Variants in ESR1 observed in about 807,000 individuals in gnomAD.
ESR1 encodes estrogen receptor 1, also known as estrogen receptor.
A neutral mutation model predicts 52.7 loss-of-function variants in ESR1; 12 were observed. The ratio of observed to expected loss-of-function variants is 0.23; its 90% confidence interval spans 0.15 to 0.37. The LOEUF is 0.37. ESR1 is among the 10% of genes least tolerant of loss of function. The pLI, the probability that ESR1 is intolerant of heterozygous loss-of-function variation, is 1.00. For missense variants in ESR1, 584 were observed against 779.7 expected (o/e 0.75, Z 2.99); for synonymous variants, 305 against 316.8 (o/e 0.96, Z 0.39).
intron 5 of ESR1, among the ~76,000 whole-genome samples, chr6:152,034,957 C>A (rs779514103): frequency 6.6e-6 from 1 of 152,250 alleles, no homozygotes; most frequent in South Asian, 2.1e-4. Flanking sequence ...TAACTACGCA[C>A]GTGACAAAAA....
chr6:151,961,976 G>A (rs2037727583), intron 4 of ESR1, among the ~76,000 whole-genome samples: 1 of 152,124 alleles, frequency 6.6e-6, no homozygotes. Context: ...TCAAGAAAGG[G>A]ACCAGGAAGT....
chr6:152,030,888 G>A (rs890755616), intron 5 of ESR1, among the ~76,000 whole-genome samples: 1 of 152,192 alleles, frequency 6.6e-6, no homozygotes, highest in Non-Finnish European at 1.5e-5. Flanking sequence ...ATAGTTGGAA[G>A]TAAAACACTC....
rs2152497276 is a variant in ESR1 at position 152,094,640 on chromosome 6, C to G, written c.1553+72C>G. On this transcript the variant is annotated intron_variant, in intron 7 of 7. Transcript: ENST00000206249. This position sits in a 1 kb window ranked among gnomAD's most constrained non-coding sequence, Gnocchi z 4.6. ...GCCCCCAAACCTATGTGACAGCTGG[C>G]CGGGAAGGACTGGTGCCTGCATATG... The G allele has an allele frequency of 7.0e-7, 1 of 1,418,926 alleles. No individual in the cohort carries two copies. The highest frequency in any genetic ancestry group is 9.8e-7 in the Non-Finnish European group (1 of 1,023,800). 87.9% of individuals were successfully genotyped at this position (1,418,926 alleles called of 1,614,324 possible). A position where few individuals can be genotyped will look rare whatever the true frequency, so the allele number is the denominator to read the frequency against.
At chr6:152,043,910 A>G (rs941121340) in intron 5 of ESR1, among the ~76,000 whole-genome samples, 1 of 152,194 alleles carries the variant, frequency 6.6e-6, no homozygotes, top group Non-Finnish European at 1.5e-5. Context: ...TCACATGATA[A>G]GAGCTTGTGT....
At chr6:151,965,620 A>C (rs999674856) in intron 4 of ESR1, among the ~76,000 whole-genome samples, 6 of 152,022 alleles carry the variant, frequency 3.9e-5, no homozygotes, top group African/African-American at 1.4e-4. Flanking sequence ...CAGTTCACCC[A>C]CTGTTAAATA....
At chr6:151,660,528 C>T (rs1326951215) in intron 1 of ESR1, among the ~76,000 whole-genome samples, 1 of 152,130 alleles carries the variant, frequency 6.6e-6, no homozygotes, top group Non-Finnish European at 1.5e-5. Flanking sequence ...AAATTTTAAG[C>T]ACAAAATACC....
chr6:151,924,607 G>T (rs1459245002), intron 3 of ESR1, among the ~76,000 whole-genome samples: 1 of 151,672 alleles, frequency 6.6e-6, no homozygotes, highest in African/African-American at 2.4e-5. Flanking sequence ...CCTCACGTAG[G>T]CCCCAGTGTC....
chr6:151,710,746 C>T (rs1157115958), intron 2 of ESR1, among the ~76,000 whole-genome samples: 1 of 152,088 alleles, frequency 6.6e-6, no homozygotes. Context: ...TGACAGGCCC[C>T]AGTGTGTGAT....
At chr6:151,796,302 C>T (rs925577423) in intron 2 of ESR1, among the ~76,000 whole-genome samples, 1 of 151,882 alleles carries the variant, frequency 6.6e-6, no homozygotes. Context: ...ATGTTACTAT[C>T]TGGGTCTTTT....
At chr6:151,881,740 G>T (rs1792949723) in intron 3 of ESR1, among the ~76,000 whole-genome samples, 1 of 152,002 alleles carries the variant, frequency 6.6e-6, no homozygotes. Context: ...AAAATTAGCT[G>T]GGTATGGTGG....
intron 5 of ESR1, among the ~76,000 whole-genome samples, chr6:152,038,733 G>A (rs1353774681): frequency 1.3e-5 from 2 of 152,126 alleles, no homozygotes; most frequent in African/African-American, 2.4e-5. Context: ...CTGGGTTCAA[G>A]CAATTCTCTG....
At chr6:152,086,719 A>G (rs1585186218) in intron 6 of ESR1, among the ~76,000 whole-genome samples, 1 of 151,944 alleles carries the variant, frequency 6.6e-6, no homozygotes, top group Non-Finnish European at 1.5e-5. Flanking sequence ...GAATATAGCA[A>G]TACCAAATGA....
intron 6 of ESR1, among the ~76,000 whole-genome samples, chr6:152,073,785 C>A (rs1425807239): frequency 6.6e-6 from 1 of 152,132 alleles, no homozygotes; most frequent in Non-Finnish European, 1.5e-5. Flanking sequence ...CGACCTCAGG[C>A]AAGTCCAGGC....
chr6:151,863,363 C>T (rs187894633), intron 2 of ESR1, among the ~76,000 whole-genome samples: 2 of 152,216 alleles, frequency 1.3e-5, no homozygotes, highest in African/African-American at 4.8e-5. Context: ...CCTTCACATC[C>T]CTTGTAAGGT....
chr6:152,122,595 G>A (rs2051662251), intron 6 of ESR1: 1 of 1,614,216 alleles, frequency 6.2e-7, no homozygotes, highest in Non-Finnish European at 8.5e-7. Flanking sequence ...GAGCTGCTCG[G>A]AGGACTCTGA....
intron 2 of ESR1, among the ~76,000 whole-genome samples, chr6:151,849,978 TTATATATATATATA>T (rs66502837): frequency 1.5e-4 from 13 of 84,124 alleles, no homozygotes; most frequent in African/African-American, 4.4e-4. Context: ...TCCTAGGGAA[TTATATATATATATA>T]TATATATATA....
chr6:151,963,084 C>T (rs1053081881), intron 4 of ESR1, among the ~76,000 whole-genome samples: 22 of 151,886 alleles, frequency 1.4e-4, no homozygotes, highest in African/African-American at 4.8e-4. Context: ...CCATTCATGC[C>T]TTCCTTCCCC....
At chr6:152,016,711 A>C (rs1206366790) in intron 5 of ESR1, among the ~76,000 whole-genome samples, 2 of 152,216 alleles carry the variant, frequency 1.3e-5, no homozygotes, top group African/African-American at 4.8e-5. Flanking sequence ...ATCACATTGT[A>C]CATAGTAAAC....
intron 1 of ESR1, among the ~76,000 whole-genome samples, chr6:151,678,545 T>C (rs187314738): frequency 6.6e-6 from 1 of 151,960 alleles, no homozygotes; most frequent in Admixed American, 6.6e-5. Context: ...GGGTTCGGCA[T>C]GGATATTTGT....
Sources: gnomAD v4.1 joint callset for allele counts (sites outside exome capture counted in the v4.1 genomes callset) on GRCh38, gnomAD v4.1.1 for gene constraint, Gnocchi (gnomAD v3.1) non-coding constraint, MANE v1.5 for transcripts, NCBI Gene and HGNC (gene_info 2026-07-23, HGNC 2026-07-21) for gene names.